CHSY1: variants seen among roughly 807,000 people sequenced by gnomAD.
CHSY1 encodes chondroitin sulfate synthase 1.
Under a neutral mutation model 59.8 loss-of-function variants are expected in CHSY1, and 13 were observed. The ratio of observed to expected loss-of-function variants is 0.22; its 90% CI spans 0.14 to 0.35. The LOEUF is 0.35. Ranked by LOEUF, CHSY1 falls within the 10% of genes least tolerant of loss-of-function variation. The probability of loss-of-function intolerance (pLI) is 1.00; values close to 1 mark genes in which losing one functional copy is unlikely to be tolerated. For missense variants in CHSY1, 947 were observed against 1,030.6 expected (o/e 0.92, Z 1.11); for synonymous variants, 459 against 401.2 (o/e 1.14, Z -1.72).
intron 2 of CHSY1, among the ~76,000 whole-genome samples, chr15:101,217,318 T>C (rs1031632759): frequency 8.5e-5 from 13 of 152,326 alleles, no homozygotes; most frequent in Non-Finnish European, 1.8e-4. Context: ...TAGCTTAATA[T>C]ACATACAGAT....
intron 2 of CHSY1, among the ~76,000 whole-genome samples, chr15:101,228,126 C>A (rs576357049): frequency 6.6e-6 from 1 of 151,182 alleles, no homozygotes; most frequent in East Asian, 1.9e-4. Flanking sequence ...TTGAAAAGTA[C>A]AATATCTGAA....
At chr15:101,243,751 T>C (rs1028042369) in intron 1 of CHSY1, among the ~76,000 whole-genome samples, 1 of 152,248 alleles carries the variant, frequency 6.6e-6, no homozygotes, top group Admixed American at 6.5e-5. Context: ...AGGACAACTT[T>C]GCAGTGCTTG....
Position 101,178,304 on chromosome 15 carries a change from T to G in CHSY1, c.1493A>C (p.Asn498Thr). Residue 498 changes from asparagine to threonine, a missense_variant, in exon 3 of 3, where the codon AAT becomes ACT. Physicochemically the swap from Asn to Thr is moderately conservative, Grantham distance 65. Transcript: ENST00000254190. Reference sequence around the variant, plus strand: ...AAAGGACAAGGATCCAGATTCCTGATTGATTCTCTTGGCCAACTCTTGTGC... The same window carrying G: ...AAAGGACAAGGATCCAGATTCCTGAGTGATTCTCTTGGCCAACTCTTGTGC... ...LDAQELAKRI[N>T]QESGSLSFLS... 1 of 1,609,576 alleles carries G rather than the reference T, an allele frequency of 6.2e-7. No individual in the cohort carries two copies. The highest frequency in any genetic ancestry group is 2.2e-5 in the East Asian group (1 of 44,748).
intron 2 of CHSY1, among the ~76,000 whole-genome samples, chr15:101,231,980 A>G (rs1458908910): frequency 3.3e-5 from 5 of 152,164 alleles, no homozygotes; most frequent in Admixed American, 2.6e-4. Context: ...CTATCCTCTG[A>G]CTTCTCTGTG....
intron 2 of CHSY1, among the ~76,000 whole-genome samples, chr15:101,203,309 C>G (rs1225802300): frequency 6.6e-6 from 1 of 152,220 alleles, no homozygotes; most frequent in African/African-American, 2.4e-5. Context: ...CAAGGCCACA[C>G]ATCCAAGTGT....
rs1296252150 is a variant in CHSY1 at position 101,193,556 on chromosome 15, C to A, written c.817-14576G>T. Among the ~76,000 whole-genome samples the A allele has an allele frequency of 2.0e-5, 3 of 152,248 alleles. No homozygotes were observed. In the East Asian group the frequency reaches 5.8e-4, roughly 29 times the overall value. On this transcript the variant is annotated intron_variant, in intron 2 of 2. Transcript: ENST00000254190. ...GGAGCAGGCGAACGCTCCTTCCTCT[C>A]CAGCCGCAGTCACGCTGTGTGCATG... is the stretch of plus-strand genomic sequence containing the variant.
intron 2 of CHSY1, among the ~76,000 whole-genome samples, chr15:101,221,989 G>C (rs549333675): frequency 1.6e-3 from 241 of 152,290 alleles, no homozygotes; most frequent in African/African-American, 5.5e-3. Flanking sequence ...TTAAATTGCT[G>C]AGTGAACGCT....
chr15:101,231,447 A>T (rs1172626528), intron 2 of CHSY1, among the ~76,000 whole-genome samples: 1 of 152,232 alleles, frequency 6.6e-6, no homozygotes, highest in Admixed American at 6.5e-5. Flanking sequence ...GAGGCAGAGG[A>T]AGGAAGACGT....
intron 2 of CHSY1, among the ~76,000 whole-genome samples, chr15:101,203,389 A>T (rs1263760739): frequency 3.3e-5 from 5 of 152,202 alleles, no homozygotes; most frequent in Non-Finnish European, 7.3e-5. Flanking sequence ...AGTCATTCAA[A>T]CTACTTCTAA....
chr15:101,225,798 G>A lies in CHSY1; in HGVS notation c.816+9284C>T, dbSNP rs551692266. Among the ~76,000 whole-genome samples the A allele has an allele frequency of 1.2e-4, 18 of 152,262 alleles. No individual in the cohort carries two copies. In the South Asian group the frequency reaches 3.3e-3, roughly 28 times the overall value. The stretch of plus-strand genomic sequence containing the variant: ...TATTTCCTTATAGCCGTGTGAGAAC[G>A]GACTAACACGCCAGTTCTATTATGG... On this transcript the variant is annotated intron_variant, in intron 2 of 2. Coordinates refer to ENST00000254190, the MANE Select transcript of CHSY1 (RefSeq NM_014918.5).
At chr15:101,217,721 G>A (rs2038748784) in intron 2 of CHSY1, among the ~76,000 whole-genome samples, 1 of 152,198 alleles carries the variant, frequency 6.6e-6, no homozygotes, top group South Asian at 2.1e-4. Flanking sequence ...AAATACGCAT[G>A]GGGCCATATT....
At chr15:101,206,651 T>C (rs1157689275) in intron 2 of CHSY1, among the ~76,000 whole-genome samples, 1 of 152,200 alleles carries the variant, frequency 6.6e-6, no homozygotes, top group South Asian at 2.1e-4. Context: ...GACAGCAGTG[T>C]TAGATATTAA....
At chr15:101,216,217 G>T (rs2141263777) in intron 2 of CHSY1, among the ~76,000 whole-genome samples, 1 of 152,272 alleles carries the variant, frequency 6.6e-6, no homozygotes, top group African/African-American at 2.4e-5. Flanking sequence ...CTATTAGAAT[G>T]GTTAAAATCC....
chr15:101,249,520 T>TTTTC (rs930024140), intron 1 of CHSY1, among the ~76,000 whole-genome samples: 2 of 145,270 alleles, frequency 1.4e-5, no homozygotes, highest in Non-Finnish European at 3.0e-5. Context: ...ATTTTTTTTT[T>TTTTC]TTTTTTTTTT....
At chr15:101,206,468 C>G (rs2038627798) in intron 2 of CHSY1, among the ~76,000 whole-genome samples, 1 of 152,148 alleles carries the variant, frequency 6.6e-6, no homozygotes, top group South Asian at 2.1e-4. Context: ...AGCTGGGGCT[C>G]TGAAGGCGGT....
intron 1 of CHSY1, among the ~76,000 whole-genome samples, chr15:101,238,939 CAATGTGTG>C (rs1203562270): frequency 6.6e-6 from 1 of 152,138 alleles, no homozygotes; most frequent in African/African-American, 2.4e-5. Context: ...GCAAATGCGA[CAATGTGTG>C]AATGTGTGAC....
chr15:101,185,641 G>A (rs1378292394), intron 2 of CHSY1, among the ~76,000 whole-genome samples: 1 of 151,026 alleles, frequency 6.6e-6, no homozygotes, highest in Non-Finnish European at 1.5e-5. Context: ...TGCCTCTGTG[G>A]CAAGGCGGCC....
At chr15:101,209,202 G>C (rs994166309) in intron 2 of CHSY1, among the ~76,000 whole-genome samples, 7 of 152,206 alleles carry the variant, frequency 4.6e-5, no homozygotes, top group African/African-American at 1.4e-4. Context: ...ATCACAAACT[G>C]TTAGGATACA....
rs1466901012 is a variant in CHSY1, at chr15:101,211,967, C to A, written c.816+23115G>T. 6.0e-5 allele frequency among the ~76,000 whole-genome samples: 9 copies of A among 149,918 alleles called. No individual in the cohort carries two copies. In the East Asian group the frequency reaches 1.8e-3, roughly 29 times the overall value. ...TGGCTTAAAGACAGGAGAACAACTT[C>A]AAGACTTGGGGTAGGCAAAAGTCAT... On this transcript the variant is annotated intron_variant, in intron 2 of 2. Coordinates refer to ENST00000254190, the MANE Select transcript of CHSY1 (RefSeq NM_014918.5).
Sources: gnomAD v4.1 joint callset for allele counts (sites outside exome capture counted in the v4.1 genomes callset) on GRCh38, gnomAD v4.1.1 for gene constraint, MANE v1.5 for transcripts, NCBI Gene and HGNC (gene_info 2026-07-23, HGNC 2026-07-21) for gene names.